QTGAL: variants seen among roughly 807,000 people sequenced by gnomAD.
QTGAL encodes BGnT-like protein 1.
chr17:83,021,742 A>G, the QTGAL span, among the ~76,000 whole-genome samples: 1 of 152,238 alleles, frequency 6.6e-6, no homozygotes, highest in Admixed American at 6.5e-5. Context: ...GAAGACTTAC[A>G]ATCCCAGATT....
the QTGAL span, among the ~76,000 whole-genome samples, chr17:82,999,799 A>G: frequency 6.6e-6 from 1 of 152,146 alleles, no homozygotes; most frequent in Non-Finnish European, 1.5e-5. Context: ...TTTTTCTTGT[A>G]ATGTCATGAC....
chr17:83,013,773 C>T, the QTGAL span, among the ~76,000 whole-genome samples: 4 of 152,154 alleles, frequency 2.6e-5, no homozygotes, highest in South Asian at 4.1e-4. Flanking sequence ...ACACTGTGGG[C>T]GCTGGACAGT....
chr17:82,965,577 G>A, the QTGAL span: 2 of 1,397,870 alleles, frequency 1.4e-6, no homozygotes, highest in Non-Finnish European at 2.0e-6. Context: ...AGGGTGGCCA[G>A]TGTGCAGAGC....
chr17:83,022,330 G>A, the QTGAL span, among the ~76,000 whole-genome samples: 1 of 131,476 alleles, frequency 7.6e-6, no homozygotes, highest in Non-Finnish European at 1.6e-5. Context: ...CACTGTCCCC[G>A]GCCCACCTGC....
At chr17:82,948,586 CAG>C in the QTGAL span, 5 of 152,280 alleles carry the variant, frequency 3.3e-5, no homozygotes, top group African/African-American at 1.2e-4. Flanking sequence ...TGCGAGAACA[CAG>C]ACACTGGATT....
At chr17:83,049,412 G>T in the QTGAL span, among the ~76,000 whole-genome samples, 2,121 of 136,800 alleles carry the variant, frequency 0.016, 123 homozygotes, top group Admixed American at 0.12. Context: ...TAACTGGTTG[G>T]TTTTTTTTTT....
chr17:82,991,031 T>C, the QTGAL span, among the ~76,000 whole-genome samples: 3 of 152,238 alleles, frequency 2.0e-5, no homozygotes, highest in Non-Finnish European at 2.9e-5. Context: ...CATTTTGTTA[T>C]GGCAGCCTGA....
the QTGAL span, chr17:83,006,311 T>C: frequency 1.0e-6 from 1 of 985,512 alleles, no homozygotes; most frequent in Non-Finnish European, 1.2e-6. The surrounding 1 kb of genome is among the most constrained non-coding windows in gnomAD (Gnocchi z 5.8). Flanking sequence ...GAGTGATTCT[T>C]TTCTACCAAT....
chr17:82,961,185 C>T, the QTGAL span: 2 of 1,605,392 alleles, frequency 1.2e-6, no homozygotes, highest in Non-Finnish European at 1.7e-6. Context: ...GGACGCCCTG[C>T]AGGGCGGGAG....
At chr17:83,027,604 AGACAG>A in the QTGAL span, among the ~76,000 whole-genome samples, 14 of 149,296 alleles carry the variant, frequency 9.4e-5, no homozygotes, top group Non-Finnish European at 1.6e-4. Flanking sequence ...TGAGAGGCTG[AGACAG>A]GAGGATTGCT....
chr17:83,034,800 A>G, the QTGAL span, among the ~76,000 whole-genome samples: 1 of 152,208 alleles, frequency 6.6e-6, no homozygotes, highest in Non-Finnish European at 1.5e-5. Context: ...GACATGCGCG[A>G]CTGTGAGACC....
At chr17:83,009,626 C>T in the QTGAL span, among the ~76,000 whole-genome samples, 2,006 of 152,206 alleles carry the variant, frequency 0.013, 110 homozygotes, top group Admixed American at 0.11. Context: ...GTCCTGAAGA[C>T]GGCAAAGGGG....
the QTGAL span, among the ~76,000 whole-genome samples, chr17:83,010,002 T>G: frequency 0.31 from 29,870 of 97,064 alleles, 3,618 homozygotes; most frequent in Middle Eastern, 0.43. Context: ...CCCCTGGTGT[T>G]GGGGGGCTGT....
the QTGAL span, among the ~76,000 whole-genome samples, chr17:82,966,873 A>C: frequency 6.6e-6 from 1 of 152,260 alleles, no homozygotes; most frequent in East Asian, 1.9e-4. Flanking sequence ...TCCTGCAAAG[A>C]AAACGAAAAG....
At chr17:82,989,671 T>A in the QTGAL span, among the ~76,000 whole-genome samples, 1 of 152,178 alleles carries the variant, frequency 6.6e-6, no homozygotes, top group African/African-American at 2.4e-5. Flanking sequence ...AAGTCAACAT[T>A]GTTGATAGTG....
At chr17:83,005,048 T>A in the QTGAL span, 1 of 1,335,764 alleles carries the variant, frequency 7.5e-7, no homozygotes, top group Non-Finnish European at 1.0e-6. The surrounding 1 kb of genome is among the most constrained non-coding windows in gnomAD (Gnocchi z 5.6). Context: ...GGCCACAGCA[T>A]AATGCATGAG....
At chr17:83,043,639 A>G in the QTGAL span, among the ~76,000 whole-genome samples, 4 of 152,234 alleles carry the variant, frequency 2.6e-5, no homozygotes, top group East Asian at 3.9e-4. Context: ...ACACACAGCT[A>G]GCAGAAGGAA....
At chr17:82,982,769 C>G in the QTGAL span, among the ~76,000 whole-genome samples, 1 of 152,178 alleles carries the variant, frequency 6.6e-6, no homozygotes, top group Non-Finnish European at 1.5e-5. Context: ...TGATGGGACC[C>G]TCGATGTCCT....
chr17:83,018,560 G>A, the QTGAL span, among the ~76,000 whole-genome samples: 7 of 152,162 alleles, frequency 4.6e-5, no homozygotes, highest in Admixed American at 6.5e-5. Flanking sequence ...GAAAGGGTAT[G>A]TAATTCTTAA....
Sources: gnomAD v4.1 joint callset for allele counts (sites outside exome capture counted in the v4.1 genomes callset) on GRCh38, gnomAD v4.1.1 for gene constraint, Gnocchi (gnomAD v3.1) non-coding constraint, MANE v1.5 for transcripts, NCBI Gene and HGNC (gene_info 2026-07-23, HGNC 2026-07-21) for gene names.